Variants in CENPP observed in about 807,000 individuals in gnomAD.
CENPP encodes the protein centromere protein P.
A neutral mutation model predicts 35.6 loss-of-function variants in CENPP; 24 were observed. That is an observed-to-expected ratio of 0.67 (90% CI 0.49 to 0.95). The LOEUF (loss-of-function observed/expected upper bound fraction) is 0.95. CENPP is among the 40% of genes least tolerant of loss of function. CENPP has a pLI of 0.00. For missense variants in CENPP, 332 were observed against 345.3 expected (o/e 0.96, Z 0.31); for synonymous variants, 120 against 125.5 (o/e 0.96, Z 0.29).
chr9:92,326,352 G>A (rs1387814866), intron 1 of CENPP, among the ~76,000 whole-genome samples: 1 of 152,256 alleles, frequency 6.6e-6, no homozygotes, highest in Non-Finnish European at 1.5e-5. Flanking sequence ...CAAGGAGGAA[G>A]TCTTGACTAT....
At chr9:92,339,137 T>C (rs1474697282) in intron 3 of CENPP, among the ~76,000 whole-genome samples, 1 of 152,222 alleles carries the variant, frequency 6.6e-6, no homozygotes, top group Non-Finnish European at 1.5e-5. Flanking sequence ...TCAGGCTGCA[T>C]TGGCCTCAGC....
intron 5 of CENPP, among the ~76,000 whole-genome samples, chr9:92,418,515 A>G (rs1386108031): frequency 6.6e-6 from 1 of 151,996 alleles, no homozygotes; most frequent in East Asian, 1.9e-4. Context: ...GTATAGATCT[A>G]TGATAATAGC....
intron 5 of CENPP, among the ~76,000 whole-genome samples, chr9:92,481,261 A>T (rs1280657379): frequency 6.6e-6 from 1 of 152,192 alleles, no homozygotes. Flanking sequence ...TGTTCTTTCC[A>T]CTACTACACT....
At chr9:92,408,322 A>G (rs891952555) in intron 5 of CENPP, among the ~76,000 whole-genome samples, 3 of 152,114 alleles carry the variant, frequency 2.0e-5, no homozygotes, top group Non-Finnish European at 4.4e-5. Context: ...AGTAGCTGGG[A>G]CTACAGGCAT....
intron 5 of CENPP, chr9:92,495,607 T>G: frequency 1.3e-5 from 13 of 963,580 alleles, no homozygotes; most frequent in Non-Finnish European, 1.5e-5. Context: ...ACTGTTTAAC[T>G]TTAAAAAATA....
At chr9:92,456,688 T>A (rs1262488314) in intron 5 of CENPP, 1 of 153,392 alleles carries the variant, frequency 6.5e-6, no homozygotes, top group African/African-American at 2.4e-5. Context: ...ATCAAGTTGG[T>A]AATGAACATT....
intron 4 of CENPP, among the ~76,000 whole-genome samples, chr9:92,364,406 G>T (rs943290876): frequency 2.0e-4 from 31 of 151,984 alleles, no homozygotes; most frequent in African/African-American, 7.2e-4. Context: ...TTCATTTTTG[G>T]TTTTGAAAGA....
intron 5 of CENPP, among the ~76,000 whole-genome samples, chr9:92,511,426 GTTT>G (rs35306473): frequency 2.0e-4 from 29 of 144,702 alleles, no homozygotes; most frequent in African/African-American, 4.5e-4. Flanking sequence ...TGCCTGGCCT[GTTT>G]TTTTTTTTTT....
At chr9:92,536,646 T>C (rs115469352) in intron 5 of CENPP, 5,494 of 152,372 alleles carry the variant, frequency 0.036, 139 homozygotes, top group Middle Eastern at 0.075. Flanking sequence ...TCAGTTTCTT[T>C]ATCTGCAAAT....
chr9:92,479,547 T>C (rs2131098373), intron 5 of CENPP, among the ~76,000 whole-genome samples: 1 of 152,258 alleles, frequency 6.6e-6, no homozygotes, highest in Middle Eastern at 3.4e-3. Context: ...ACAGGGAGCA[T>C]ATCCACCCTG....
intron 5 of CENPP, among the ~76,000 whole-genome samples, chr9:92,406,856 T>C (rs1843321312): frequency 6.6e-6 from 1 of 152,090 alleles, no homozygotes; most frequent in Non-Finnish European, 1.5e-5. Flanking sequence ...GAGGAGGAAA[T>C]AGTCTTCTGG....
chr9:92,492,272 AAAT>A (rs1327873843), intron 5 of CENPP, among the ~76,000 whole-genome samples: 1 of 152,200 alleles, frequency 6.6e-6, no homozygotes, highest in Non-Finnish European at 1.5e-5. Flanking sequence ...GCCGAGTCTA[AAAT>A]AATCTTAAAA....
chr9:92,603,084 C>T (rs1015774365), intron 5 of CENPP, among the ~76,000 whole-genome samples: 4 of 152,202 alleles, frequency 2.6e-5, no homozygotes, highest in African/African-American at 7.2e-5. Context: ...CCACCACACC[C>T]AGCCTCAAAT....
rs111454784 is a variant in CENPP at position 92,553,106 on chromosome 9, T to G, written c.565-58208T>G. ...TTTTGTATAAAATGAGAGATGATGA[T>G]CCAGTTTTATTCTCCTACACGTGGC... On this transcript the variant is annotated intron_variant, in intron 5 of 7. Coordinates refer to ENST00000375587, the MANE Select transcript of CENPP (RefSeq NM_001012267.3). Among the ~76,000 whole-genome samples the G allele has an allele frequency of 2.3e-4, 35 of 152,352 alleles. 1 individual carries two copies. The highest frequency in any genetic ancestry group is 8.4e-4 in the African/African-American group (35 of 41,592).
At chr9:92,459,568 A>C in intron 5 of CENPP, 1 of 1,519,850 alleles carries the variant, frequency 6.6e-7, no homozygotes, top group Non-Finnish European at 9.0e-7. Context: ...GAGGTGTGCT[A>C]AAGTGTGTTA....
At chr9:92,332,814 A>C (rs1003480007) in intron 2 of CENPP, among the ~76,000 whole-genome samples, 1 of 151,770 alleles carries the variant, frequency 6.6e-6, no homozygotes, top group African/African-American at 2.4e-5. Flanking sequence ...TTTAAAACAA[A>C]AAAAAAAAGG....
intron 5 of CENPP, among the ~76,000 whole-genome samples, chr9:92,467,217 A>G (rs1845347708): frequency 6.6e-6 from 1 of 152,226 alleles, no homozygotes; most frequent in African/African-American, 2.4e-5. Context: ...TCCAGAGAGT[A>G]AAAAGAGCTC....
At chr9:92,403,642 G>T in intron 5 of CENPP, 5 of 1,165,882 alleles carry the variant, frequency 4.3e-6, no homozygotes, top group Non-Finnish European at 5.3e-6. Context: ...CTGAAAAATA[G>T]TTTTGGAAAA....
At chr9:92,611,057 A>ACAG (rs1851225519) in intron 5 of CENPP, 4 of 531,298 alleles carry the variant, frequency 7.5e-6, no homozygotes, top group Non-Finnish European at 1.3e-5. Context: ...AAATGAGAAT[A>ACAG]CAGCTGTAGG....
Sources: allele counts gnomAD v4.1 joint callset (sites outside exome capture counted in the v4.1 genomes callset), GRCh38; gene constraint gnomAD v4.1.1; transcripts MANE v1.5; gene names NCBI Gene and HGNC (gene_info 2026-07-23, HGNC 2026-07-21).